The following DCTN1 variants were observed in gnomAD, a reference collection of about 807,000 sequenced individuals.
DCTN1 encodes the protein 150 kDa dynein-associated polypeptide.
Under a neutral mutation model 161.2 loss-of-function variants are expected in DCTN1, and 61 were observed. That is an observed-to-expected ratio of 0.38 (90% confidence interval 0.31 to 0.47). DCTN1 has a LOEUF of 0.47. DCTN1 is among the 20% of genes least tolerant of loss of function. The pLI is 0.99. For missense variants in DCTN1, 1,404 were observed against 1,623.7 expected, an observed-to-expected ratio of 0.86 and a Z score of 2.33; for synonymous variants, 653 against 632.4, an observed-to-expected ratio of 1.03 and a Z score of -0.49.
rs375345080 is a variant in DCTN1, at chr2:74,369,083, A to C, written c.1701+15T>G. 6.2e-7 allele frequency: 1 copy of C among 1,613,262 alleles called. No individual in the cohort carries two copies. Among genetic ancestry groups the C allele is most frequent in the Non-Finnish European group, 8.5e-7 (1 of 1,179,550 alleles). ...TCCCAGGCAGGGCTCCCTCAGACCC[A>C]CACACTTTCCTGACCTTGGCATGGG... On this transcript the variant is annotated intron_variant, in intron 15 of 31. Coordinates refer to ENST00000628224, the MANE Select transcript of DCTN1 (RefSeq NM_004082.5). This position sits in a 1 kb window ranked among gnomAD's most constrained non-coding sequence, Gnocchi z 4.9.
At chr2:74,380,444 C>G, upstream of DCTN1, 1 of 485,270 alleles carries the variant, frequency 2.1e-6, no homozygotes, top group Non-Finnish European at 4.2e-6. Context: ...CTTGAATACA[C>G]TGTCCTAGGG....
At chr2:74,389,924 T>TTA (rs1164516456) in intron 1 of DCTN1, among the ~76,000 whole-genome samples, 2 of 152,204 alleles carry the variant, frequency 1.3e-5, no homozygotes, top group Non-Finnish European at 2.9e-5. Context: ...TCCAACCACC[T>TTA]TATACATCAC....
At chr2:74,379,924 G>T in intron 1 of DCTN1, 81 bp downstream of exon 1, 1 of 1,429,318 alleles carries the variant, frequency 7.0e-7, no homozygotes, top group Non-Finnish European at 9.8e-7. Context: ...TATCTCCCCA[G>T]CCCCCACAGC....
At position 74,380,048 on chromosome 2, in the gene DCTN1, C is replaced by T. The variant is rs772803227; in HGVS notation, c.-11G>A. 6.2e-6 allele frequency: 10 copies of T among 1,613,940 alleles called. No individual in the cohort carries two copies. Among genetic ancestry groups the T allele is most frequent in the Admixed American group, 3.3e-5 (2 of 60,006 alleles). ...CTTGCTCTGTGCCATGTTGCTCACC[C>T]GGCCTCTACCCCCTCCCCCAGCTGG... On this transcript the variant is annotated 5_prime_UTR_variant, in exon 1 of 32. Transcript: ENST00000628224.
At position 74,369,591 on chromosome 2, in the gene DCTN1, C is replaced by A; in HGVS notation, c.1393-100G>T. ...CAGCACTTTGGGAGGTCAAAGCAGGCGGATCATGAGGTCGAGATCGAGATC... is the reference window on the plus strand; with the variant it reads ...CAGCACTTTGGGAGGTCAAAGCAGGAGGATCATGAGGTCGAGATCGAGATC... On this transcript the variant is annotated intron_variant, in intron 13 of 31. Transcript: ENST00000628224. The surrounding 1 kb of genome is among the most constrained non-coding windows in gnomAD (Gnocchi z 4.9). The A allele has an allele frequency of 8.2e-7, 1 of 1,220,824 alleles. No homozygotes were observed. Among genetic ancestry groups the A allele is most frequent in the East Asian group, 2.3e-5 (1 of 43,152 alleles). The allele number at this position is 1,220,824 out of a possible 1,614,324, so 75.6% of individuals were successfully genotyped here.
chr2:74,372,410 G>A (rs1190305529), intron 7 of DCTN1, among the ~76,000 whole-genome samples: 1 of 152,248 alleles, frequency 6.6e-6, no homozygotes, highest in African/African-American at 2.4e-5. Flanking sequence ...TGGGGCAGGG[G>A]AGAAGGTGGG....
At chr2:74,378,313 A>T in intron 1 of DCTN1, 68 bp from the exon 2 acceptor site, 1 of 1,582,070 alleles carries the variant, frequency 6.3e-7, no homozygotes, top group Non-Finnish European at 8.6e-7. Flanking sequence ...TATGTATAAG[A>T]AATGCCTCAG....
chr2:74,375,161 C>G (rs1259003627), intron 5 of DCTN1, among the ~76,000 whole-genome samples: 1 of 152,204 alleles, frequency 6.6e-6, no homozygotes, highest in Non-Finnish European at 1.5e-5. Context: ...CGAAACCCTG[C>G]GGAACACGCA....
At chr2:74,367,275 G>C (rs1674491090) in intron 19 of DCTN1, 77 bp downstream of exon 19, 6 of 1,575,612 alleles carry the variant, frequency 3.8e-6, no homozygotes, top group Non-Finnish European at 5.2e-6. Context: ...GACACTTCTT[G>C]GGTGCCTGAT....
chr2:74,374,445 G>T (rs1675099118), intron 5 of DCTN1, 105 bp from the exon 6 acceptor site: 2 of 1,581,184 alleles, frequency 1.3e-6, no homozygotes, highest in Non-Finnish European at 1.7e-6. Context: ...GGGAGGGAGG[G>T]CAAGAGACCG....
chr2:74,370,830 G>A lies in DCTN1; in HGVS notation c.844-5C>T. ...CTCCAGCGCCTCCTTGGCTTCCTGAGGAAGAAGTGGAGGTGGGAGGGGGTA... is the reference window on the plus strand; with the variant it reads ...CTCCAGCGCCTCCTTGGCTTCCTGAAGAAGAAGTGGAGGTGGGAGGGGGTA... On this transcript the variant is annotated splice_region_variant and splice_polypyrimidine_tract_variant and intron_variant, in intron 9 of 31. Transcript: ENST00000628224. This position sits in a 1 kb window ranked among gnomAD's most constrained non-coding sequence, Gnocchi z 4.4. 6.2e-7 allele frequency: 1 copy of A among 1,614,168 alleles called. No homozygotes were observed. The highest frequency in any genetic ancestry group is 1.3e-5 in the African/African-American group (1 of 75,046).
intron 15 of DCTN1, 63 bp from the exon 16 acceptor site, chr2:74,368,943 C>T: frequency 6.2e-7 from 1 of 1,603,406 alleles, no homozygotes; most frequent in Non-Finnish European, 8.5e-7. Flanking sequence ...AATTCCCATG[C>T]CTTGCTCCAG....
intron 26 of DCTN1, 159 bp from the exon 27 acceptor site, chr2:74,363,787 A>G: frequency 1.1e-6 from 1 of 950,302 alleles, no homozygotes; most frequent in Non-Finnish European, 1.7e-6. Flanking sequence ...TCTGCCACCT[A>G]TCTTTGGGGA....
intron 5 of DCTN1, among the ~76,000 whole-genome samples, chr2:74,376,424 A>T (rs1426110891): frequency 6.6e-6 from 1 of 152,198 alleles, no homozygotes; most frequent in Non-Finnish European, 1.5e-5. Flanking sequence ...GTGAGAACAC[A>T]CTGTAACCCA....
At chr2:74,372,281 A>T (rs1158172696) in intron 7 of DCTN1, among the ~76,000 whole-genome samples, 1 of 152,180 alleles carries the variant, frequency 6.6e-6, no homozygotes, top group Admixed American at 6.5e-5. Flanking sequence ...TCCCTCTCTC[A>T]GTCTATTTCA....
At chr2:74,374,199 G>C (rs763010879) in intron 6 of DCTN1, 124 bp downstream of exon 6, 3 of 1,039,648 alleles carry the variant, frequency 2.9e-6, no homozygotes, top group East Asian at 5.0e-5. Flanking sequence ...ACCCACCTTC[G>C]TCCTCACCCG....
chr2:74,373,314 T>C (rs1573169942), intron 6 of DCTN1: 1 of 354,798 alleles, frequency 2.8e-6, no homozygotes, highest in African/African-American at 2.1e-5. Context: ...TCTCTCCAAC[T>C]CCAGTCCAGA....
chr2:74,373,958 T>G (rs377278100), intron 6 of DCTN1, among the ~76,000 whole-genome samples: 1 of 152,092 alleles, frequency 6.6e-6, no homozygotes, highest in African/African-American at 2.4e-5. Context: ...CTAGCAAAGG[T>G]TGGGTGAGGC....
chr2:74,386,709 T>C (rs1675749701), intron 1 of DCTN1: 1 of 152,270 alleles, frequency 6.6e-6, no homozygotes, highest in South Asian at 2.1e-4. Context: ...AAGAATTTCT[T>C]TGAAAATTTA....
Sources: gnomAD v4.1 joint callset for allele counts (sites outside exome capture counted in the v4.1 genomes callset) on GRCh38, gnomAD v4.1.1 for gene constraint, Gnocchi (gnomAD v3.1) non-coding constraint, MANE v1.5 for transcripts, NCBI Gene and HGNC (gene_info 2026-07-23, HGNC 2026-07-21) for gene names.